AEBP2: variants seen among roughly 807,000 people sequenced by gnomAD.
AEBP2 encodes zinc finger protein AEBP2.
In AEBP2, 10 loss-of-function variants were observed where a neutral mutation model predicts 50.8. The observed-to-expected ratio is 0.20, with a 90% confidence interval of 0.12 to 0.33. The LOEUF (loss-of-function observed/expected upper bound fraction) is 0.33. Ranked by LOEUF, AEBP2 falls within the 10% of genes least tolerant of loss-of-function variation. The pLI, the probability that AEBP2 is intolerant of heterozygous loss-of-function variation, is 1.00. For missense variants in AEBP2, 570 were observed against 688.0 expected, an observed-to-expected ratio of 0.83 and a Z score of 1.92; for synonymous variants, 296 against 261.3, an observed-to-expected ratio of 1.13 and a Z score of -1.28.
upstream of AEBP2, among the ~76,000 whole-genome samples, chr12:19,435,120 T>C (rs1400765158): frequency 6.6e-6 from 1 of 151,520 alleles, no homozygotes; most frequent in Non-Finnish European, 1.5e-5. Context: ...TCTTAGTACA[T>C]ACCTGTCAGA....
At chr12:19,462,825 C>A in intron 2 of AEBP2, 108 bp downstream of exon 2, 1 of 1,016,424 alleles carries the variant, frequency 9.8e-7, no homozygotes, top group Non-Finnish European at 1.4e-6. Flanking sequence ...TATTTTTACA[C>A]AGGCTTAGTT....
At chr12:19,500,596 T>G (rs1370725006) in intron 5 of AEBP2, among the ~76,000 whole-genome samples, 1 of 152,188 alleles carries the variant, frequency 6.6e-6, no homozygotes, top group Admixed American at 6.5e-5. Context: ...AAAAGTTTCA[T>G]TCACATTTCT....
At position 19,518,176 on chromosome 12, in the gene AEBP2, A is replaced by G; in HGVS notation, c.*59A>G. The G allele has an allele frequency of 6.6e-7, 1 of 1,515,012 alleles. No homozygotes were observed. Among genetic ancestry groups the G allele is most frequent in the Non-Finnish European group, 8.8e-7 (1 of 1,133,670 alleles). The allele number at this position is 1,515,012 out of a possible 1,614,324, so 93.8% of individuals were successfully genotyped here. A position where few individuals can be genotyped will look rare whatever the true frequency, so the allele number is the denominator to read the frequency against. ...GGGACACCTGCAGTCTTAGTCACTG[A>G]CAATGGGTTTAGGGAAAGTTGCACA... On this transcript the variant is annotated 3_prime_UTR_variant, in exon 8 of 8. Coordinates refer to ENST00000266508, the MANE Select transcript of AEBP2 (RefSeq NM_153207.5).
intron 1 of AEBP2, among the ~76,000 whole-genome samples, chr12:19,427,916 C>G (rs1269852724): frequency 2.0e-5 from 3 of 149,872 alleles, no homozygotes; most frequent in Non-Finnish European, 4.4e-5. Flanking sequence ...TTTTTTTTTT[C>G]TTTTTTCTGA....
At chr12:19,449,888 T>A (rs1266256392) in intron 1 of AEBP2, among the ~76,000 whole-genome samples, 2 of 152,192 alleles carry the variant, frequency 1.3e-5, no homozygotes, top group Non-Finnish European at 2.9e-5. Context: ...TAACTAGGTT[T>A]GGGAGTTTAC....
chr12:19,468,197 C>G (rs1948515005), intron 2 of AEBP2, among the ~76,000 whole-genome samples: 1 of 149,128 alleles, frequency 6.7e-6, no homozygotes, highest in Non-Finnish European at 1.5e-5. Context: ...GTTGTCCAAG[C>G]TAGTCTTACT....
At chr12:19,498,436 G>T (rs1310589406) in intron 4 of AEBP2, among the ~76,000 whole-genome samples, 1 of 152,112 alleles carries the variant, frequency 6.6e-6, no homozygotes, top group Non-Finnish European at 1.5e-5. Context: ...GAAAAGACCT[G>T]TTTGTTTAGG....
At chr12:19,425,487 C>T (rs1471266831) in intron 1 of AEBP2, among the ~76,000 whole-genome samples, 2 of 151,954 alleles carry the variant, frequency 1.3e-5, no homozygotes, top group Non-Finnish European at 2.9e-5. Flanking sequence ...ATGAATTAGG[C>T]CAGGTCTGGC....
intron 5 of AEBP2, among the ~76,000 whole-genome samples, chr12:19,501,180 A>C (rs1420464570): frequency 6.6e-6 from 1 of 151,968 alleles, no homozygotes; most frequent in Non-Finnish European, 1.5e-5. Flanking sequence ...AAATACAAAA[A>C]ATTACCTGGG....
At chr12:19,466,212 C>G (rs912289746) in intron 2 of AEBP2, among the ~76,000 whole-genome samples, 1 of 151,934 alleles carries the variant, frequency 6.6e-6, no homozygotes, top group Non-Finnish European at 1.5e-5. Flanking sequence ...CACAGTAATC[C>G]CAGCACTTTG....
chr12:19,408,891 A>T (rs2095737757), intron 1 of AEBP2, among the ~76,000 whole-genome samples: 1 of 144,218 alleles, frequency 6.9e-6, no homozygotes, highest in South Asian at 2.2e-4. Context: ...TGACAGAGTG[A>T]GACTCTGTCT....
intron 1 of AEBP2, among the ~76,000 whole-genome samples, chr12:19,447,751 C>T (rs984589263): frequency 6.6e-6 from 1 of 152,128 alleles, no homozygotes; most frequent in African/African-American, 2.4e-5. Context: ...TGAGGATAAG[C>T]GATCAGTATT....
At chr12:19,457,291 A>G (rs1234944033) in intron 1 of AEBP2, 4 of 1,564,914 alleles carry the variant, frequency 2.6e-6, no homozygotes, top group African/African-American at 1.4e-5. Flanking sequence ...GGCAGCAACA[A>G]TCAGGACAGC....
At chr12:19,467,370 T>C (rs1948495578) in intron 2 of AEBP2, among the ~76,000 whole-genome samples, 5 of 152,216 alleles carry the variant, frequency 3.3e-5, no homozygotes, top group Admixed American at 3.3e-4. Context: ...CTCCACTCAC[T>C]GCAACCTCCA....
intron 1 of AEBP2, among the ~76,000 whole-genome samples, chr12:19,445,024 G>A (rs1948034197): frequency 6.6e-6 from 1 of 151,446 alleles, no homozygotes; most frequent in South Asian, 2.1e-4. Flanking sequence ...CCCAACAGTA[G>A]TATTTATTTA....
intron 3 of AEBP2, among the ~76,000 whole-genome samples, chr12:19,488,055 A>G (rs925776679): frequency 5.3e-5 from 8 of 152,130 alleles, no homozygotes; most frequent in African/African-American, 7.2e-5. Flanking sequence ...AATTCTTACA[A>G]TAATTCTTTG....
intron 2 of AEBP2, among the ~76,000 whole-genome samples, chr12:19,468,722 A>G (rs796293518): frequency 7.2e-5 from 11 of 152,302 alleles, no homozygotes; most frequent in African/African-American, 2.2e-4. Flanking sequence ...GGAGACTCAG[A>G]CTACCCTTGG....
Position 19,518,461 on chromosome 12 carries a change from T to G in AEBP2, c.*344T>G, listed in dbSNP as rs1294617867. 1 of 1,242,482 alleles carries G rather than the reference T, an allele frequency of 8.0e-7. No individual in the cohort carries two copies. Among genetic ancestry groups the G allele is most frequent in the Non-Finnish European group, 1.0e-6 (1 of 991,702 alleles). The allele number at this position is 1,242,482 out of a possible 1,614,324, so 77.0% of individuals were successfully genotyped here. On this transcript the variant is annotated 3_prime_UTR_variant, in exon 8 of 8. Coordinates refer to ENST00000266508, the MANE Select transcript of AEBP2 (RefSeq NM_153207.5). Reference sequence around the variant, plus strand: ...TGCTTTTTTTTTTCTTTTCTTCCCTTTAGTGATTTCAGTAGTTTATATTGG... The same window carrying G: ...TGCTTTTTTTTTTCTTTTCTTCCCTGTAGTGATTTCAGTAGTTTATATTGG...
intron 5 of AEBP2, among the ~76,000 whole-genome samples, chr12:19,501,186 C>T (rs1949068262): frequency 2.0e-5 from 3 of 151,934 alleles, no homozygotes; most frequent in Admixed American, 2.0e-4. Flanking sequence ...AAAAAATTAC[C>T]TGGGTGTGGT....
Sources: gnomAD v4.1 joint callset for allele counts (sites outside exome capture counted in the v4.1 genomes callset) on GRCh38, gnomAD v4.1.1 for gene constraint, MANE v1.5 for transcripts, NCBI Gene and HGNC (gene_info 2026-07-23, HGNC 2026-07-21) for gene names.